Variants in LIN7B observed in about 807,000 individuals in gnomAD.
The protein encoded by LIN7B is protein lin-7 homolog B.
LIN7B carries 16 observed loss-of-function variants against 27.9 expected under a neutral mutation model. That is an observed-to-expected ratio of 0.57 (90% confidence interval 0.39 to 0.87). The LOEUF (loss-of-function observed/expected upper bound fraction) is 0.87. Among genes scored for constraint, LIN7B ranks in the 40% least tolerant of loss-of-function variants. LIN7B has a pLI of 0.00. For synonymous variants in LIN7B, 147 were observed against 120.8 expected, an observed-to-expected ratio of 1.22 and a Z score of -1.42; for missense variants, 291 against 288.5, an observed-to-expected ratio of 1.01 and a Z score of -0.06.
rs552610098 is a variant in LIN7B, at chr19:49,116,379, G to T, written c.345G>T (p.Ser115=). The T allele has an allele frequency of 5.6e-6, 9 of 1,614,090 alleles. No individual in the cohort carries two copies. Among genetic ancestry groups the T allele is most frequent in the Non-Finnish European group, 7.6e-6 (9 of 1,180,046 alleles). ...FNIMGGKEQN[S]PIYISRVIPG... ...TCATGGGTGGCAAAGAGCAAAACTC[G>T]CCCATCTACATCTCCCGGGTCATCC... The change falls in exon 4 of 6, where the codon TCG becomes TCT. Residue 115 remains serine, a synonymous_variant. Transcript: ENST00000221459.
rs2040859216 is a variant in LIN7B, at chr19:49,117,947, G to A, written c.531G>A (p.Val177=). 6.2e-7 allele frequency: 1 copy of A among 1,614,018 alleles called. No homozygotes were observed. Among genetic ancestry groups the A allele is most frequent in the Non-Finnish European group, 8.5e-7 (1 of 1,180,016 alleles). The change falls in exon 5 of 6, where the codon GTG becomes GTA. Residue 177 remains valine (V), a synonymous_variant. Coordinates refer to ENST00000221459, the MANE Select transcript of LIN7B (RefSeq NM_022165.3). ...VKLVVRYTPR[V]LEEMEARFEK... ...TGGTTGTCCGTTACACACCGCGAGT[G>A]CTGGAGGAGATGGAGGCCCGGTTCG... is the stretch of plus-strand genomic sequence containing the variant.
chr19:49,116,562 G>A, intron 4 of LIN7B, 90 bp downstream of exon 4: 1 of 1,219,706 alleles, frequency 8.2e-7, no homozygotes, highest in Non-Finnish European at 1.2e-6. Flanking sequence ...CACACACTGA[G>A]TGTTGTCTGT....
At position 49,117,940 on chromosome 19, in the gene LIN7B, C is replaced by T. The variant is rs758972533; in HGVS notation, c.524C>T (p.Pro175Leu). 1.9e-6 allele frequency: 3 copies of T among 1,614,086 alleles called. No individual in the cohort carries two copies. The highest frequency in any genetic ancestry group is 2.5e-6 in the Non-Finnish European group (3 of 1,179,986). Reference protein sequence around the residue: ...GSVKLVVRYTPRVLEEMEARF... With the variant: ...GSVKLVVRYTLRVLEEMEARF... ...GTGAAGCTGGTTGTCCGTTACACAC[C>T]GCGAGTGCTGGAGGAGATGGAGGCC... Residue 175 changes from proline (P) to leucine (L), a missense_variant, in exon 5 of 6, where the codon CCG becomes CTG. Transcript: ENST00000221459.
chr19:49,115,000 G>T (rs1290455097), intron 2 of LIN7B, 33 bp downstream of exon 2: 2 of 1,317,856 alleles, frequency 1.5e-6, no homozygotes, highest in Admixed American at 3.0e-5. Context: ...GCGCGAGCTG[G>T]TGGCCGTCGT....
At chr19:49,115,221 G>A (rs746207500) in intron 2 of LIN7B, 39 bp from the exon 3 acceptor site, 5 of 1,534,458 alleles carry the variant, frequency 3.3e-6, no homozygotes, top group South Asian at 1.2e-5. Context: ...AGGGCTGGAG[G>A]AGCTGGCGAC....
Position 49,114,963 on chromosome 19 carries a change from G to C in LIN7B, c.152G>C (p.Arg51Pro). Reference protein sequence around the residue: ...VLQSRFCSAIREVYEQLYDTL... With the variant: ...VLQSRFCSAIPEVYEQLYDTL... ...CAGAGCCGCTTCTGCTCCGCTATCCGAGAGGTGAGGGGCGCGCGGCGCAGG... is the reference window on the plus strand; with the variant it reads ...CAGAGCCGCTTCTGCTCCGCTATCCCAGAGGTGAGGGGCGCGCGGCGCAGG... The change falls in exon 2 of 6, where the codon CGA becomes CCA. Residue 51 changes from arginine (R) to proline (P), a missense_variant. Physicochemically the swap from Arg to Pro is moderately radical, Grantham distance 103. Coordinates refer to ENST00000221459, the MANE Select transcript of LIN7B (RefSeq NM_022165.3). The C allele has an allele frequency of 7.0e-7, 1 of 1,423,892 alleles. No individual in the cohort carries two copies. Among genetic ancestry groups the C allele is most frequent in the African/African-American group, 1.5e-5 (1 of 67,608 alleles). 88.2% of individuals were successfully genotyped at this position (1,423,892 alleles called of 1,614,324 possible). A position where few individuals can be genotyped will look rare whatever the true frequency, so the allele number is the denominator to read the frequency against.
chr19:49,114,888 G>A lies in LIN7B; in HGVS notation c.77G>A (p.Arg26His). Residue 26 changes from arginine (R) to histidine (H), a missense_variant, in exon 2 of 6, where the codon CGC becomes CAC. By Grantham distance (29) the Arg-to-His change is conservative. Transcript: ENST00000221459. The part of the protein sequence containing the change: ...RAVELLERLQ[R>H]SGELPPQKLQ... Reference sequence around the variant, plus strand: ...GTTGAGCTCCTCGAGCGGCTCCAGCGCAGCGGGGAGCTGCCGCCGCAGAAG... The same window carrying A: ...GTTGAGCTCCTCGAGCGGCTCCAGCACAGCGGGGAGCTGCCGCCGCAGAAG... 1 of 1,468,966 alleles carries A rather than the reference G, an allele frequency of 6.8e-7. No individual in the cohort carries two copies. Among genetic ancestry groups the A allele is most frequent in the Non-Finnish European group, 9.0e-7 (1 of 1,112,726 alleles). 91.0% of individuals were successfully genotyped at this position (1,468,966 alleles called of 1,614,324 possible).
Position 49,116,394 on chromosome 19 carries a change from C to T in LIN7B, c.360C>T (p.Ser120=), listed in dbSNP as rs371898406. ...AGCAAAACTCGCCCATCTACATCTCCCGGGTCATCCCAGGGGGTGTGGCTG... is the reference window on the plus strand; with the variant it reads ...AGCAAAACTCGCCCATCTACATCTCTCGGGTCATCCCAGGGGGTGTGGCTG... ...GKEQNSPIYI[S]RVIPGGVADR... The change falls in exon 4 of 6, where the codon TCC becomes TCT. Residue 120 remains serine (S), a synonymous_variant. Transcript: ENST00000221459. The T allele has an allele frequency of 1.9e-4, 314 of 1,614,130 alleles. 3 individuals carry two copies. Among genetic ancestry groups the T allele is most frequent in the Admixed American group, 2.7e-4 (16 of 60,010 alleles).
At position 49,117,986 on chromosome 19, in the gene LIN7B, T is replaced by C; in HGVS notation, c.570T>C (p.Ser190=). ...AGGCCCGGTTCGAGAAGATGCGCTC[T>C]GCCCGCCGGCGCCAACAGCATCAGA... ...EMEARFEKMR[S]ARRRQQHQSY... The change falls in exon 5 of 6, where the codon TCT becomes TCC. Residue 190 remains serine (S), a synonymous_variant. Coordinates refer to ENST00000221459, the MANE Select transcript of LIN7B (RefSeq NM_022165.3). 3.1e-6 allele frequency: 5 copies of C among 1,614,028 alleles called. No homozygotes were observed. Among genetic ancestry groups the C allele is most frequent in the Non-Finnish European group, 4.2e-6 (5 of 1,179,960 alleles).
In LIN7B at chr19:49,118,451, T is replaced by C; in HGVS notation, c.*78T>C. 1.3e-6 allele frequency: 2 copies of C among 1,589,196 alleles called. No homozygotes were observed. The highest frequency in any genetic ancestry group is 1.7e-6 in the Non-Finnish European group (2 of 1,157,428). On this transcript the variant is annotated 3_prime_UTR_variant, in exon 6 of 6. Coordinates refer to ENST00000221459, the MANE Select transcript of LIN7B (RefSeq NM_022165.3). ...TTCCTGGCACTTTATTTAAAGATAT[T>C]TGACCCTCACTGAGTGTCTGTGTGT...
At chr19:49,117,598 G>C (rs1183543332) in intron 4 of LIN7B, among the ~76,000 whole-genome samples, 1 of 152,094 alleles carries the variant, frequency 6.6e-6, no homozygotes, top group African/African-American at 2.4e-5. Context: ...AGTGGGCTGT[G>C]GGCAGGGAGG....
In LIN7B at chr19:49,116,488, AG is replaced by A; in HGVS notation, c.438+18del. 1 of 1,609,180 alleles carries A rather than the reference AG, an allele frequency of 6.2e-7. No homozygotes were observed. Among genetic ancestry groups the A allele is most frequent in the Non-Finnish European group, 8.5e-7 (1 of 1,176,078 alleles). On this transcript the variant is annotated intron_variant, in intron 4 of 5. Transcript: ENST00000221459. Reference sequence around the variant, plus strand: ...GAACGGTGTGGTGAGTGGAGGGCTGAGGCAGGACTGGGGGACACAGTCTGTC... The same window carrying A: ...GAACGGTGTGGTGAGTGGAGGGCTGAGCAGGACTGGGGGACACAGTCTGTC...
Position 49,114,889 on chromosome 19 carries a change from C to A in LIN7B, c.78C>A (p.Arg26=). The change falls in exon 2 of 6, where the codon CGC becomes CGA. Residue 26 remains arginine (R), a synonymous_variant. Coordinates refer to ENST00000221459, the MANE Select transcript of LIN7B (RefSeq NM_022165.3). The stretch of plus-strand genomic sequence containing the variant: ...TTGAGCTCCTCGAGCGGCTCCAGCG[C>A]AGCGGGGAGCTGCCGCCGCAGAAGC... ...RAVELLERLQ[R]SGELPPQKLQ... 1 of 1,470,870 alleles carries A rather than the reference C, an allele frequency of 6.8e-7. No individual in the cohort carries two copies. The highest frequency in any genetic ancestry group is 1.3e-5 in the South Asian group (1 of 77,078). The allele number at this position is 1,470,870 out of a possible 1,614,324, so 91.1% of individuals were successfully genotyped here. A position where few individuals can be genotyped will look rare whatever the true frequency, so the allele number is the denominator to read the frequency against.
chr19:49,114,777 C>G (rs921182979), intron 1 of LIN7B, 72 bp from the exon 2 acceptor site: 1 of 914,058 alleles, frequency 1.1e-6, no homozygotes, highest in Non-Finnish European at 1.5e-6. Flanking sequence ...CTCACTCCGC[C>G]GCTCTCCTTG....
chr19:49,117,305 G>T (rs1275020294), intron 4 of LIN7B, among the ~76,000 whole-genome samples: 1 of 150,558 alleles, frequency 6.6e-6, no homozygotes, highest in African/African-American at 2.4e-5. Context: ...CATAACTGGA[G>T]AGATGGCTGG....
At chr19:49,117,708 A>G (rs1342245624) in intron 4 of LIN7B, 147 bp from the exon 5 acceptor site, 2 of 674,788 alleles carry the variant, frequency 3.0e-6, no homozygotes, top group Admixed American at 2.6e-5. Flanking sequence ...ACACTGAACC[A>G]GGAGTTAATG....
Position 49,114,455 on chromosome 19 carries a change from A to C in LIN7B, c.37+14A>C. 8.3e-7 allele frequency: 1 copy of C among 1,206,994 alleles called. No homozygotes were observed. Among genetic ancestry groups the C allele is most frequent in the Non-Finnish European group, 1.0e-6 (1 of 971,614 alleles). The allele number at this position is 1,206,994 out of a possible 1,614,324, so 74.8% of individuals were successfully genotyped here. On this transcript the variant is annotated intron_variant, in intron 1 of 5. Coordinates refer to ENST00000221459, the MANE Select transcript of LIN7B (RefSeq NM_022165.3). ...GGCTGGAGCGGGGTAAGCGTGCGCC[A>C]GGGGGCCCTGCCCACCCGGGCCGCG...
At chr19:49,115,391 C>T in intron 3 of LIN7B, 60 bp downstream of exon 3, 1 of 1,380,082 alleles carries the variant, frequency 7.2e-7, no homozygotes, top group Non-Finnish European at 1.0e-6. Context: ...AACTCAATAT[C>T]TCCTTCATGC....
chr19:49,114,742 G>T, intron 1 of LIN7B, 107 bp from the exon 2 acceptor site: 2 of 597,410 alleles, frequency 3.3e-6, no homozygotes, highest in Non-Finnish European at 5.2e-6. Context: ...GGCTTCGGCC[G>T]TCCTCCCCGG....
Sources: allele counts gnomAD v4.1 joint callset (sites outside exome capture counted in the v4.1 genomes callset), GRCh38; gene constraint gnomAD v4.1.1; transcripts MANE v1.5; gene names NCBI Gene and HGNC (gene_info 2026-07-23, HGNC 2026-07-21).